Variants in XIRP2 observed in about 807,000 individuals in gnomAD.
XIRP2 encodes the protein xin actin-binding repeat-containing protein 2.
XIRP2 carries 236 observed loss-of-function variants against 277.0 expected under a neutral mutation model. That is an observed-to-expected ratio of 0.85 (90% CI 0.77 to 0.95). The LOEUF (loss-of-function observed/expected upper bound fraction) is 0.95, where lower values mean the gene tolerates loss of function less well. Ranked by LOEUF, XIRP2 falls within the 40% of genes least tolerant of loss-of-function variation. XIRP2 has a pLI of 0.00. For synonymous variants in XIRP2, 1,490 were observed against 1,416.5 expected (o/e 1.05, Z -1.17); for missense variants, 4,640 against 4,157.5 (o/e 1.12, Z -3.19).
chr2:166,935,905 T>G (rs1685483026), intron 2 of XIRP2, among the ~76,000 whole-genome samples: 3 of 152,336 alleles, frequency 2.0e-5, no homozygotes, highest in East Asian at 3.9e-4. Context: ...CAGCATGATT[T>G]GTAATCATTT....
chr2:167,000,515 T>G lies in XIRP2; in HGVS notation c.408+96625T>G, dbSNP rs73970211. 3.3e-3 allele frequency among the ~76,000 whole-genome samples: 485 copies of G among 148,754 alleles called. 5 individuals are homozygous for G. Among genetic ancestry groups the G allele is most frequent in the African/African-American group, 0.011 (460 of 40,220 alleles). The stretch of plus-strand genomic sequence containing the variant: ...GGTTTTTGTTTTGGGGTTTTTTTGT[T>G]TTTTTTTTTGTTTTATGATCAACAT... On this transcript the variant is annotated intron_variant, in intron 2 of 10. Coordinates refer to ENST00000409195, the MANE Select transcript of XIRP2 (RefSeq NM_152381.6).
At chr2:167,022,333 C>A (rs1285443934) in intron 2 of XIRP2, among the ~76,000 whole-genome samples, 3 of 151,970 alleles carry the variant, frequency 2.0e-5, no homozygotes, top group Non-Finnish European at 4.4e-5. Flanking sequence ...GTCATTTATG[C>A]AATACATGCT....
At chr2:167,034,675 G>A (rs1220345434) in intron 2 of XIRP2, among the ~76,000 whole-genome samples, 1 of 152,132 alleles carries the variant, frequency 6.6e-6, no homozygotes, top group Non-Finnish European at 1.5e-5. Context: ...GACAAAAACT[G>A]TTAGAAGAGA....
At chr2:167,026,204 A>T (rs1240049034) in intron 2 of XIRP2, among the ~76,000 whole-genome samples, 2 of 152,126 alleles carry the variant, frequency 1.3e-5, no homozygotes, top group African/African-American at 4.8e-5. Flanking sequence ...CTTTACCATT[A>T]TGTAATGGCC....
chr2:167,065,868 C>A (rs1284531387), intron 2 of XIRP2, among the ~76,000 whole-genome samples: 4 of 151,830 alleles, frequency 2.6e-5, no homozygotes, highest in Non-Finnish European at 5.9e-5. Context: ...TGATTGTTTT[C>A]TTTCAGTACA....
intron 2 of XIRP2, among the ~76,000 whole-genome samples, chr2:166,954,732 G>T (rs780252156): frequency 6.6e-6 from 1 of 151,882 alleles, no homozygotes; most frequent in Non-Finnish European, 1.5e-5. Flanking sequence ...AGAATACTAC[G>T]CAGTCGTGAA....
At chr2:167,172,360 A>G (rs1347803044) in intron 3 of XIRP2, among the ~76,000 whole-genome samples, 1 of 152,192 alleles carries the variant, frequency 6.6e-6, no homozygotes, top group African/African-American at 2.4e-5. Context: ...AAAATTGCTA[A>G]TGAAGTTTCG....
At chr2:167,163,580 G>A (rs891180362) in intron 3 of XIRP2, among the ~76,000 whole-genome samples, 13 of 152,104 alleles carry the variant, frequency 8.5e-5, no homozygotes, top group South Asian at 6.2e-4. Context: ...CAGTTTATGC[G>A]CTGCAAATAT....
chr2:167,176,883 G>A (rs932184985), intron 3 of XIRP2, among the ~76,000 whole-genome samples: 3 of 152,194 alleles, frequency 2.0e-5, no homozygotes, highest in Non-Finnish European at 4.4e-5. Flanking sequence ...AGAGAACCCA[G>A]TCACCTGTGT....
intron 2 of XIRP2, among the ~76,000 whole-genome samples, chr2:166,975,890 T>G (rs1041077222): frequency 3.3e-5 from 4 of 120,418 alleles, no homozygotes; most frequent in Admixed American, 1.2e-4. Flanking sequence ...GAGATCGTGC[T>G]ACTGTACTCC....
chr2:167,089,962 G>C lies in XIRP2; in HGVS notation c.409-45947G>C, dbSNP rs1690092940. Among the ~76,000 whole-genome samples the C allele has an allele frequency of 2.0e-5, 3 of 152,152 alleles. 1 individual carries two copies. Among genetic ancestry groups the C allele is most frequent in the Admixed American group, 2.0e-4 (3 of 15,268 alleles). ...CAGACATCTGGCATAGAAAAGTAGAGTTAAAACTAGTACTGTTTAGGATCA... is the reference window on the plus strand; with the variant it reads ...CAGACATCTGGCATAGAAAAGTAGACTTAAAACTAGTACTGTTTAGGATCA... On this transcript the variant is annotated intron_variant, in intron 2 of 10. Transcript: ENST00000409195.
In XIRP2 at chr2:167,249,316, C is replaced by T. The variant is rs1695391639; in HGVS notation, c.7924C>T (p.Leu2642Phe). Residue 2642 changes from leucine to phenylalanine, a missense_variant, in exon 9 of 11, where the codon CTC becomes TTC. Transcript: ENST00000409195. ...TSPETVAAKR[L>F]HHVLAASEDK... ...GCCAGAAACAGTCGCTGCCAAGAGG[C>T]TCCACCATGTTTTAGCAGCTTCAGA... The T allele has an allele frequency of 1.2e-6, 2 of 1,613,790 alleles. No individual in the cohort carries two copies. The highest frequency in any genetic ancestry group is 1.7e-5 in the Admixed American group (1 of 59,982).
chr2:166,889,416 A>G (rs567079770), intron 1 of XIRP2: 158 of 152,700 alleles, frequency 1.0e-3, no homozygotes, highest in Non-Finnish European at 1.1e-3. Context: ...GGGCTGCTGC[A>G]GTGGAGCCAG....
intron 4 of XIRP2, among the ~76,000 whole-genome samples, chr2:167,215,577 C>A (rs1182773139): frequency 6.6e-6 from 1 of 152,170 alleles, no homozygotes; most frequent in East Asian, 1.9e-4. Flanking sequence ...CCAAAGTCCC[C>A]AGTCCATGGT....
intron 2 of XIRP2, among the ~76,000 whole-genome samples, chr2:167,042,007 C>G (rs1450288595): frequency 6.6e-6 from 1 of 152,114 alleles, no homozygotes; most frequent in Non-Finnish European, 1.5e-5. Context: ...AGAAACTTTA[C>G]AAGCCAGAAA....
chr2:167,055,932 T>C (rs960349028), intron 2 of XIRP2, among the ~76,000 whole-genome samples: 10 of 152,126 alleles, frequency 6.6e-5, no homozygotes, highest in Non-Finnish European at 1.5e-4. Context: ...ATTTGCAAAT[T>C]CAAACAAAAC....
intron 2 of XIRP2, among the ~76,000 whole-genome samples, chr2:167,019,996 C>G (rs370149100): frequency 1.9e-4 from 29 of 152,082 alleles, no homozygotes; most frequent in African/African-American, 6.7e-4. Flanking sequence ...CTCACAAATG[C>G]ACTATTCGCT....
At chr2:167,088,631 TG>T (rs1293969343) in intron 2 of XIRP2, among the ~76,000 whole-genome samples, 1 of 152,170 alleles carries the variant, frequency 6.6e-6, no homozygotes, top group African/African-American at 2.4e-5. Flanking sequence ...ACAGGGCCAA[TG>T]GCTTTTCCAG....
At position 167,246,256 on chromosome 2, in the gene XIRP2, G is replaced by C. The variant is rs757323308; in HGVS notation, c.4864G>C (p.Glu1622Gln). 1.2e-6 allele frequency: 2 copies of C among 1,613,552 alleles called. No homozygotes were observed. The highest frequency in any genetic ancestry group is 2.2e-5 in the South Asian group (2 of 91,026). Residue 1622 changes from glutamate to glutamine, a missense_variant, in exon 9 of 11, where the codon GAG becomes CAG. Coordinates refer to ENST00000409195, the MANE Select transcript of XIRP2 (RefSeq NM_152381.6). ...TTCCAAAAGGGACTGTACTGAAAGA[G>C]AGATTTTGATTAGTGAAGAAGAGAA... ...LLSKRDCTEREILISEEEKGN... is the reference protein window; with the variant it reads ...LLSKRDCTERQILISEEEKGN...
Sources: gnomAD v4.1 joint callset for allele counts (sites outside exome capture counted in the v4.1 genomes callset) on GRCh38, gnomAD v4.1.1 for gene constraint, MANE v1.5 for transcripts, NCBI Gene and HGNC (gene_info 2026-07-23, HGNC 2026-07-21) for gene names.